The following OGA variants were observed in gnomAD, a reference collection of about 807,000 sequenced individuals.
OGA encodes the protein O-GlcNAcase.
Under a neutral mutation model 102.0 loss-of-function variants are expected in OGA, and 21 were observed. The observed-to-expected ratio is 0.21, with a 90% CI of 0.15 to 0.30. The LOEUF is 0.30. Ranked by LOEUF, OGA falls within the 10% of genes least tolerant of loss-of-function variation. The pLI is 1.00. For missense variants in OGA, 765 were observed against 1,107.8 expected (o/e 0.69, Z 4.39); for synonymous variants, 408 against 378.2 (o/e 1.08, Z -0.91).
chr10:101,813,348 G>C (rs2065582378), intron 2 of OGA, among the ~76,000 whole-genome samples: 1 of 152,128 alleles, frequency 6.6e-6, no homozygotes, highest in African/African-American at 2.4e-5. Flanking sequence ...TCTGGGTAAG[G>C]TGAAGCCCAA....
At chr10:101,813,774 G>GT (rs2065587191) in intron 1 of OGA, among the ~76,000 whole-genome samples, 168 bp from the exon 2 acceptor site, 1 of 152,168 alleles carries the variant, frequency 6.6e-6, no homozygotes, top group South Asian at 2.1e-4. Flanking sequence ...TAATCTTTGG[G>GT]TGGTGACGTT....
At chr10:101,791,201 T>C in intron 13 of OGA, 113 bp from the exon 14 acceptor site, 1 of 1,248,456 alleles carries the variant, frequency 8.0e-7, no homozygotes, top group Non-Finnish European at 1.1e-6. Context: ...CTACATTTGG[T>C]GTAAGAAACT....
At chr10:101,817,164 G>C (rs1291652763) in intron 1 of OGA, among the ~76,000 whole-genome samples, 1 of 152,186 alleles carries the variant, frequency 6.6e-6, no homozygotes, top group Admixed American at 6.5e-5. Context: ...AAGGCGAGAA[G>C]GGCATTTTTA....
At chr10:101,806,243 C>A in intron 5 of OGA, 100 bp from the exon 6 acceptor site, 1 of 721,696 alleles carries the variant, frequency 1.4e-6, no homozygotes, top group Non-Finnish European at 2.4e-6. Flanking sequence ...ACTCTTGATG[C>A]CCAGGCTAGA....
At chr10:101,817,479 G>C (rs2065649402) in intron 1 of OGA, among the ~76,000 whole-genome samples, 4 of 152,100 alleles carry the variant, frequency 2.6e-5, no homozygotes, top group African/African-American at 7.2e-5. Context: ...TTTTTCACTG[G>C]AACCAGACAA....
chr10:101,786,632 T>G, intron 15 of OGA, 45 bp from the exon 16 acceptor site: 2 of 1,441,152 alleles, frequency 1.4e-6, no homozygotes, highest in Non-Finnish European at 9.3e-7. Context: ...GTCACTTAAT[T>G]AGTATAATTA....
rs963561306 is a variant in OGA, at chr10:101,800,488, C to T, written c.1037-88G>A. 47 of 959,730 alleles carry T rather than the reference C, an allele frequency of 4.9e-5. No individual in the cohort carries two copies. In the Middle Eastern group the frequency reaches 9.3e-4, roughly 19 times the overall value. The allele number at this position is 959,730 out of a possible 1,614,324, so 59.5% of individuals were successfully genotyped here. A position where few individuals can be genotyped will look rare whatever the true frequency, so the allele number is the denominator to read the frequency against. On this transcript the variant is annotated intron_variant, in intron 7 of 15. Transcript: ENST00000361464. ...GAGAAGAATAAATGCAACTAGTTTTCACAGTATAACCACAGAAACAAAGAA... is the reference window on the plus strand; with the variant it reads ...GAGAAGAATAAATGCAACTAGTTTTTACAGTATAACCACAGAAACAAAGAA...
At chr10:101,790,653 T>C (rs1354480475) in intron 14 of OGA, among the ~76,000 whole-genome samples, 1 of 152,210 alleles carries the variant, frequency 6.6e-6, no homozygotes, top group Non-Finnish European at 1.5e-5. Flanking sequence ...TGTTTTCACC[T>C]GAGGAAATAT....
intron 7 of OGA, among the ~76,000 whole-genome samples, chr10:101,802,438 C>T (rs1332476763): frequency 6.6e-6 from 1 of 152,182 alleles, no homozygotes; most frequent in Non-Finnish European, 1.5e-5. Context: ...CTTTGGGAAG[C>T]CCAGGAGGGC....
intron 7 of OGA, among the ~76,000 whole-genome samples, chr10:101,802,617 T>C (rs1280082312): frequency 6.7e-6 from 1 of 148,806 alleles, no homozygotes; most frequent in African/African-American, 2.5e-5. Context: ...TGCAGGGAGC[T>C]GAGATTGCGC....
chr10:101,812,786 A>C, intron 3 of OGA: 1 of 585,046 alleles, frequency 1.7e-6, no homozygotes. Context: ...TAAGCAGCAC[A>C]ATCTATGACC....
intron 3 of OGA, among the ~76,000 whole-genome samples, chr10:101,812,630 C>T (rs1029235344): frequency 6.6e-6 from 1 of 152,164 alleles, no homozygotes; most frequent in Non-Finnish European, 1.5e-5. Flanking sequence ...AAAAAAATTG[C>T]ATAAAATATT....
chr10:101,818,071 G>C lies in OGA; in HGVS notation c.-49C>G, dbSNP rs928917782. ...CCTCTGCGGGTCCTCCTCGACCTCT[G>C]TCCGTTGGGGCACCGGCCCGGAGCC... On this transcript the variant is annotated 5_prime_UTR_variant, in exon 1 of 16. Transcript: ENST00000361464. The C allele has an allele frequency of 6.7e-7, 1 of 1,491,542 alleles. No individual in the cohort carries two copies. Among genetic ancestry groups the C allele is most frequent in the Non-Finnish European group, 8.9e-7 (1 of 1,118,230 alleles). 92.4% of individuals were successfully genotyped at this position (1,491,542 alleles called of 1,614,324 possible).
Position 101,799,093 on chromosome 10 carries a change from A to T in OGA, c.1558T>A (p.Cys520Ser). ...KSPEMSMQED[C>S]ISDIAPMQTD... is the part of the protein sequence containing the mutation. ...TGCATGGGGGCAATGTCACTAATAC[A>T]ATCTTCTTGCATGGACATCTCTGGG... The change falls in exon 9 of 16, where the codon TGT (cysteine) becomes AGT (serine). Residue 520 changes from cysteine (C) to serine (S), a missense_variant. This residue lies in a region of OGA where 281 missense variants were observed against 345.8 expected (regional missense o/e 0.81). Transcript: ENST00000361464. The T allele has an allele frequency of 6.2e-7, 1 of 1,614,146 alleles. No homozygotes were observed. Among genetic ancestry groups the T allele is most frequent in the Non-Finnish European group, 8.5e-7 (1 of 1,180,018 alleles).
At chr10:101,801,331 G>T (rs956852535) in intron 7 of OGA, among the ~76,000 whole-genome samples, 1 of 151,316 alleles carries the variant, frequency 6.6e-6, no homozygotes, top group African/African-American at 2.4e-5. Flanking sequence ...GTCAAAGGTT[G>T]CAGTGAGCTG....
chr10:101,806,170 G>T, intron 5 of OGA, 27 bp from the exon 6 acceptor site: 1 of 1,403,276 alleles, frequency 7.1e-7, no homozygotes, highest in Non-Finnish European at 1.0e-6. Flanking sequence ...AAGTAAAAAA[G>T]TCAGAATTAA....
chr10:101,803,420 G>A (rs1347791790), intron 7 of OGA, among the ~76,000 whole-genome samples: 1 of 140,424 alleles, frequency 7.1e-6, no homozygotes, highest in South Asian at 2.3e-4. Flanking sequence ...GATTATAAGC[G>A]AGCCACCACG....
At chr10:101,793,015 C>T in intron 11 of OGA, 72 bp from the exon 12 acceptor site, 1 of 1,178,670 alleles carries the variant, frequency 8.5e-7, no homozygotes, top group Admixed American at 1.7e-5. Flanking sequence ...GTGTGCACTG[C>T]AGATTACCAA....
rs373237973 is a variant in OGA at position 101,818,049 on chromosome 10, C to T, written c.-27G>A. ...CTCCTGCCCCCGGCCGCTGCCACCTCTGCGGGTCCTCCTCGACCTCTGTCC... is the reference window on the plus strand; with the variant it reads ...CTCCTGCCCCCGGCCGCTGCCACCTTTGCGGGTCCTCCTCGACCTCTGTCC... On this transcript the variant is annotated 5_prime_UTR_variant, in exon 1 of 16. Coordinates refer to ENST00000361464, the MANE Select transcript of OGA (RefSeq NM_012215.5). 1.9e-5 allele frequency: 29 copies of T among 1,541,496 alleles called. No homozygotes were observed. In the African/African-American group the frequency reaches 3.7e-4, roughly 20 times the overall value.
Sources: allele counts gnomAD v4.1 joint callset (sites outside exome capture counted in the v4.1 genomes callset), GRCh38; gene constraint gnomAD v4.1.1; regional missense constraint gnomAD v4.1.1; transcripts MANE v1.5; gene names NCBI Gene and HGNC (gene_info 2026-07-23, HGNC 2026-07-21).